HIVEP2: variants seen among roughly 807,000 people sequenced by gnomAD.
HIVEP2 encodes the protein HIVEP zinc finger 2.
HIVEP2 carries 14 observed loss-of-function variants against 180.7 expected under a neutral mutation model. The observed-to-expected ratio is 0.08, with a 90% CI of 0.05 to 0.12. The LOEUF (loss-of-function observed/expected upper bound fraction) is 0.12. HIVEP2 is among the 10% of genes least tolerant of loss of function. The pLI, the probability that HIVEP2 is intolerant of heterozygous loss-of-function variation, is 1.00. For synonymous variants in HIVEP2, 1,184 were observed against 1,136.4 expected, an observed-to-expected ratio of 1.04 and a Z score of -0.84; for missense variants, 2,579 against 3,008.5, an observed-to-expected ratio of 0.86 and a Z score of 3.34.
intron 2 of HIVEP2, among the ~76,000 whole-genome samples, chr6:142,823,943 C>T (rs1318180490): frequency 6.6e-6 from 1 of 151,878 alleles, no homozygotes; most frequent in African/African-American, 2.4e-5. Flanking sequence ...GATTTATTTA[C>T]CTTTCAGTTT....
At chr6:142,812,585 T>C (rs975301948) in intron 2 of HIVEP2, among the ~76,000 whole-genome samples, 3 of 152,202 alleles carry the variant, frequency 2.0e-5, no homozygotes, top group African/African-American at 7.2e-5. Flanking sequence ...TTCTGGCATC[T>C]AATCCGAAAT....
chr6:142,907,255 C>A (rs889361945), intron 1 of HIVEP2, among the ~76,000 whole-genome samples: 1 of 152,206 alleles, frequency 6.6e-6, no homozygotes, highest in Non-Finnish European at 1.5e-5. Context: ...TCAGTATACA[C>A]TACCAAATCA....
chr6:142,889,664 C>T (rs182150792), intron 1 of HIVEP2, among the ~76,000 whole-genome samples: 1 of 152,294 alleles, frequency 6.6e-6, no homozygotes, highest in Admixed American at 6.5e-5. Flanking sequence ...AATGGAATAA[C>T]ATACACTGTG....
intron 1 of HIVEP2, among the ~76,000 whole-genome samples, chr6:142,918,575 C>T (rs1004227251): frequency 2.0e-5 from 3 of 152,190 alleles, no homozygotes; most frequent in African/African-American, 7.2e-5. Flanking sequence ...AAGATTCATG[C>T]CCATGAGATC....
At chr6:142,922,539 T>C (rs1363226552) in intron 1 of HIVEP2, among the ~76,000 whole-genome samples, 2 of 152,216 alleles carry the variant, frequency 1.3e-5, no homozygotes, top group African/African-American at 4.8e-5. Context: ...TCTTTACATA[T>C]ATTAGTACAC....
chr6:142,899,460 T>A (rs1227062650), intron 1 of HIVEP2, among the ~76,000 whole-genome samples: 1 of 152,204 alleles, frequency 6.6e-6, no homozygotes, highest in Non-Finnish European at 1.5e-5. Flanking sequence ...GACCATTAGC[T>A]CCTTGGGGAC....
intron 2 of HIVEP2, among the ~76,000 whole-genome samples, chr6:142,793,644 CTTT>C (rs1484164979): frequency 2.9e-5 from 1 of 34,278 alleles, no homozygotes; most frequent in Non-Finnish European, 5.7e-5. Context: ...TTCTTTCTTT[CTTT>C]CTTTCTTTCT....
At chr6:142,877,130 C>T (rs1204195987) in intron 1 of HIVEP2, among the ~76,000 whole-genome samples, 1 of 152,104 alleles carries the variant, frequency 6.6e-6, no homozygotes, top group Non-Finnish European at 1.5e-5. Context: ...TATTTTTGCC[C>T]TTTTCTTTAT....
rs143502613 is a variant in HIVEP2 at position 142,847,602 on chromosome 6, A to G, written c.-640-10555T>C. Among the ~76,000 whole-genome samples, 1,224 of 152,348 alleles carry G rather than the reference A, an allele frequency of 8.0e-3. 10 individuals are homozygous for G. Among genetic ancestry groups the G allele is most frequent in the Middle Eastern group, 0.027 (8 of 294 alleles). On this transcript the variant is annotated intron_variant, in intron 1 of 9. Coordinates refer to ENST00000367603, the MANE Select transcript of HIVEP2 (RefSeq NM_006734.4). ...ACAAAATCAATTCTGTTATAGTCAC[A>G]CTTCGAAAAATGACTTTGAAGAGTA...
At chr6:142,783,414 A>G (rs1241024909) in intron 3 of HIVEP2, 107 bp downstream of exon 3, 1 of 151,896 alleles carries the variant, frequency 6.6e-6, no homozygotes, top group Non-Finnish European at 1.5e-5. Context: ...GATGGAAAAT[A>G]TATTGTTTCC....
intron 2 of HIVEP2, chr6:142,788,406 G>A (rs1311277012): frequency 6.6e-6 from 1 of 152,060 alleles, no homozygotes; most frequent in Admixed American, 6.6e-5. Context: ...GAAAAGACAA[G>A]CATTGCATTT....
At chr6:142,892,592 CAA>C (rs1776886962) in intron 1 of HIVEP2, among the ~76,000 whole-genome samples, 1 of 152,148 alleles carries the variant, frequency 6.6e-6, no homozygotes, top group Non-Finnish European at 1.5e-5. Context: ...CTTCATTAAA[CAA>C]AGTCTATAAA....
chr6:142,868,935 T>G (rs982799554), intron 1 of HIVEP2, among the ~76,000 whole-genome samples: 2 of 152,226 alleles, frequency 1.3e-5, no homozygotes, highest in Admixed American at 6.5e-5. Flanking sequence ...GAACATCGAT[T>G]CAAATTTGTA....
At chr6:142,872,591 G>A (rs573029490) in intron 1 of HIVEP2, among the ~76,000 whole-genome samples, 198 of 152,246 alleles carry the variant, frequency 1.3e-3, no homozygotes, top group African/African-American at 4.7e-3. Context: ...GAGCTCACCC[G>A]GAAGAAAACC....
chr6:142,906,469 T>G (rs1292216286), intron 1 of HIVEP2, among the ~76,000 whole-genome samples: 1 of 151,992 alleles, frequency 6.6e-6, no homozygotes, highest in Non-Finnish European at 1.5e-5. Flanking sequence ...AAGAAACCTC[T>G]TTAATTATTA....
At chr6:142,819,231 TAAAAAAAGAAAAAAGGGG>T (rs1432536121) in intron 2 of HIVEP2, among the ~76,000 whole-genome samples, 2 of 151,414 alleles carry the variant, frequency 1.3e-5, no homozygotes, top group Admixed American at 6.6e-5. Context: ...TCTCAAATTT[TAAAAAAAGAAAAAAGGGG>T]AAAAAAAGAA....
chr6:142,853,356 C>T (rs916833797), intron 1 of HIVEP2, among the ~76,000 whole-genome samples: 1 of 152,174 alleles, frequency 6.6e-6, no homozygotes, highest in African/African-American at 2.4e-5. Context: ...GATAAGAATT[C>T]ACTTGTAACA....
intron 1 of HIVEP2, among the ~76,000 whole-genome samples, chr6:142,900,454 C>T (rs575865743): frequency 2.0e-5 from 3 of 152,248 alleles, no homozygotes; most frequent in Non-Finnish European, 4.4e-5. Context: ...GATGACCTAC[C>T]GAAAGTACTC....
chr6:142,894,989 G>T (rs1776947074), intron 1 of HIVEP2, among the ~76,000 whole-genome samples: 1 of 152,156 alleles, frequency 6.6e-6, no homozygotes, highest in Non-Finnish European at 1.5e-5. Flanking sequence ...TGGTATTCAG[G>T]AGAAAAATTA....
Sources: allele counts gnomAD v4.1 joint callset (sites outside exome capture counted in the v4.1 genomes callset), GRCh38; gene constraint gnomAD v4.1.1; transcripts MANE v1.5; gene names NCBI Gene and HGNC (gene_info 2026-07-23, HGNC 2026-07-21).